SFR1: variants seen among roughly 807,000 people sequenced by gnomAD.
The protein encoded by SFR1 is SWI5 dependent homologous recombination repair protein 1, also known as swi5-dependent recombination DNA repair protein 1 homolog.
In SFR1, 24 loss-of-function variants were observed where a neutral mutation model predicts 26.2. The ratio of observed to expected loss-of-function variants is 0.92; its 90% CI spans 0.66 to 1.29. The LOEUF (loss-of-function observed/expected upper bound fraction) is 1.29, where lower values mean the gene tolerates loss of function less well. Ranked by LOEUF, SFR1 falls within the 50% of genes most tolerant of loss-of-function variation. The pLI is 0.00. For synonymous variants in SFR1, 77 were observed against 96.6 expected (o/e 0.80, Z 1.19); for missense variants, 276 against 270.2 (o/e 1.02, Z -0.15).
At position 104,124,106 on chromosome 10, in the gene SFR1, C is replaced by A; in HGVS notation, c.528C>A (p.Val176=). The change falls in exon 3 of 4, where the codon GTC becomes GTA. Residue 176 remains valine, a synonymous_variant. Transcript: ENST00000369727. ...KEDLLRRLKL[V]KMYRSKNDLS... ...ACCTTCTTCGGAGGCTAAAACTAGT[C>A]AAAATGTATAGATCAAAGGTGAGAA... is the stretch of plus-strand genomic sequence containing the variant. 1 of 1,606,172 alleles carries A rather than the reference C, an allele frequency of 6.2e-7. No homozygotes were observed. Among genetic ancestry groups the A allele is most frequent in the South Asian group, 1.1e-5 (1 of 89,534 alleles).
upstream of SFR1, among the ~76,000 whole-genome samples, chr10:104,120,180 G>A (rs1015232763): frequency 6.6e-6 from 1 of 152,168 alleles, no homozygotes; most frequent in Non-Finnish European, 1.5e-5. Context: ...TATGCCGGGA[G>A]GTATAAAGAA....
In SFR1 at chr10:104,123,703, G is replaced by T; in HGVS notation, c.136-11G>T. 1 of 1,536,262 alleles carries T rather than the reference G, an allele frequency of 6.5e-7. No homozygotes were observed. Among genetic ancestry groups the T allele is most frequent in the East Asian group, 2.3e-5 (1 of 43,686 alleles). On this transcript the variant is annotated splice_polypyrimidine_tract_variant and intron_variant, in intron 2 of 3. Coordinates refer to ENST00000369727, the MANE Select transcript of SFR1 (RefSeq NM_001002759.2). ...TTGATTCACATTTTTAATGTTTTGT[G>T]CTCTTTATAGCCTATGAGTGCAACA...
chr10:104,123,043 C>T lies in SFR1; in HGVS notation c.92C>T (p.Ser31Phe), dbSNP rs767020445. ...AVVLPSTPQA[S>F]ANPSSPYTNS... is the part of the protein sequence containing the mutation. ...GTTTTACCTAGCACTCCTCAGGCCT[C>T]TGCGAATCCATCATCTCCCTATACA... The change falls in exon 2 of 4, where the codon TCT (serine) becomes TTT (phenylalanine). Residue 31 changes from serine to phenylalanine, a missense_variant. Ser to Phe is a radical substitution (Grantham distance 155, BLOSUM62 -2). Transcript: ENST00000369727. 24 of 1,603,774 alleles carry T rather than the reference C, an allele frequency of 1.5e-5. No homozygotes were observed. The South Asian group carries it at 2.6e-4, about 17-fold the overall frequency.
upstream of SFR1, among the ~76,000 whole-genome samples, chr10:104,121,603 C>T (rs2086961507): frequency 6.6e-6 from 1 of 152,210 alleles, no homozygotes; most frequent in African/African-American, 2.4e-5. Context: ...ATGCAGCCAG[C>T]CGTGCGGCTT....
Position 104,123,104 on chromosome 10 carries a change from C to T in SFR1, c.135+18C>T. 1 of 1,535,764 alleles carries T rather than the reference C, an allele frequency of 6.5e-7. No homozygotes were observed. The highest frequency in any genetic ancestry group is 2.3e-5 in the East Asian group (1 of 44,324). ...GAAAACAAGTATGAAAATCTTTGTT[C>T]TTCCAGTGGATCCATTATGTGTTTC... On this transcript the variant is annotated intron_variant, in intron 2 of 3. Transcript: ENST00000369727.
upstream of SFR1, chr10:104,122,165 T>C: frequency 6.5e-7 from 1 of 1,548,098 alleles, no homozygotes; most frequent in East Asian, 2.5e-5. Flanking sequence ...GTGCGCGCGC[T>C]TTTTTGCTCT....
chr10:104,123,810 G>A lies in SFR1; in HGVS notation c.232G>A (p.Glu78Lys). Residue 78 changes from glutamate (E) to lysine (K), a missense_variant, in exon 3 of 4, where the codon GAA (glutamate) becomes AAA (lysine). Physicochemically the swap from Glu to Lys is moderately conservative, Grantham distance 56. Coordinates refer to ENST00000369727, the MANE Select transcript of SFR1 (RefSeq NM_001002759.2). The stretch of plus-strand genomic sequence containing the variant: ...GAAACGTCTTAAAGTAGAGAGTGAA[G>A]AAAATGATCAGACCTTTTCAGAGAA... ...VVKRLKVESE[E>K]NDQTFSEKPA... 1 of 1,612,852 alleles carries A rather than the reference G, an allele frequency of 6.2e-7. No homozygotes were observed. Among genetic ancestry groups the A allele is most frequent in the Non-Finnish European group, 8.5e-7 (1 of 1,179,836 alleles).
intron 1 of SFR1, 94 bp from the exon 2 acceptor site, chr10:104,122,871 G>T (rs928999647): frequency 6.4e-7 from 1 of 1,568,064 alleles, no homozygotes; most frequent in Non-Finnish European, 8.6e-7. Context: ...CTTACTTGTG[G>T]ATGCTTTGTA....
intron 3 of SFR1, 49 bp from the exon 4 acceptor site, chr10:104,125,464 G>C: frequency 7.0e-7 from 1 of 1,437,652 alleles, no homozygotes; most frequent in Non-Finnish European, 9.7e-7. Flanking sequence ...TAATTAAGTT[G>C]AACTAGCATG....
chr10:104,122,675 A>G (rs1253312238), intron 1 of SFR1: 2 of 1,350,158 alleles, frequency 1.5e-6, no homozygotes, highest in Non-Finnish European at 1.9e-6. Context: ...ATTCTTCCCT[A>G]CTTCCAAGGC....
chr10:104,122,070 C>T (rs974239797), upstream of SFR1: 14 of 1,285,282 alleles, frequency 1.1e-5, no homozygotes, highest in African/African-American at 1.6e-4. Context: ...CGGCGCCTCG[C>T]GCGTCAGGCA....
chr10:104,120,480 G>C, upstream of SFR1, among the ~76,000 whole-genome samples: 1 of 152,064 alleles, frequency 6.6e-6, no homozygotes, highest in East Asian at 1.9e-4. Context: ...TATATTGTGT[G>C]GGATCTTACA....
At chr10:104,125,072 G>T (rs572793288) in intron 3 of SFR1, among the ~76,000 whole-genome samples, 1 of 152,188 alleles carries the variant, frequency 6.6e-6, no homozygotes, top group South Asian at 2.1e-4. Flanking sequence ...TAAGGTGCTG[G>T]GATCCCAGGT....
At chr10:104,120,477 T>A (rs2086950732), upstream of SFR1, among the ~76,000 whole-genome samples, 1 of 152,244 alleles carries the variant, frequency 6.6e-6, no homozygotes, top group Non-Finnish European at 1.5e-5. Flanking sequence ...GTTTATATTG[T>A]GTGGGATCTT....
At chr10:104,124,177 G>T in intron 3 of SFR1, 53 bp downstream of exon 3, 1 of 1,387,856 alleles carries the variant, frequency 7.2e-7, no homozygotes, top group Non-Finnish European at 9.5e-7. Context: ...ATAAATTACA[G>T]GAAAGTAATT....
rs571788761 is a variant in SFR1 at position 104,126,249 on chromosome 10, T to C, written c.*545T>C. 6.5e-6 allele frequency: 1 copy of C among 152,816 alleles called. No individual in the cohort carries two copies. Among genetic ancestry groups the C allele is most frequent in the African/African-American group, 2.4e-5 (1 of 41,584 alleles). The allele number at this position is 152,816 out of a possible 1,614,324, so 9.5% of individuals were successfully genotyped here. A position where few individuals can be genotyped will look rare whatever the true frequency, so the allele number is the denominator to read the frequency against. On this transcript the variant is annotated 3_prime_UTR_variant, in exon 4 of 4. Coordinates refer to ENST00000369727, the MANE Select transcript of SFR1 (RefSeq NM_001002759.2). ...GTTTTATTTTAAATGTTAAAAATTG[T>C]CCAATCTGGTGAATGTCTAACCCTA...
chr10:104,122,101 T>C (rs2086968690), upstream of SFR1: 4 of 1,507,510 alleles, frequency 2.7e-6, no homozygotes, highest in African/African-American at 1.4e-5. Context: ...TTGCGCATCT[T>C]TTCCGCCTAC....
At position 104,125,494 on chromosome 10, in the gene SFR1, G is replaced by GTT; in HGVS notation, c.547-11_547-10dup. ...AGCATGACTAGTTATTGACATACAT[G>GTT]TTTTTTTTTCTGTTTCAGAATGATC... is the stretch of plus-strand genomic sequence containing the variant. On this transcript the variant is annotated intron_variant, in intron 3 of 3. Transcript: ENST00000369727. 2 of 1,544,172 alleles carry GTT rather than the reference G, an allele frequency of 1.3e-6. No homozygotes were observed. Among genetic ancestry groups the GTT allele is most frequent in the Non-Finnish European group, 1.8e-6 (2 of 1,132,386 alleles).
At position 104,125,954 on chromosome 10, in the gene SFR1, CTG is replaced by C. The variant is rs1243482000; in HGVS notation, c.*251_*252del. ...CTAATTTTTGCATTTTTAGTAGAGA[CTG>C]GGTTTCACCACGTTGGCCAGGCTGG... On this transcript the variant is annotated 3_prime_UTR_variant, in exon 4 of 4. Transcript: ENST00000369727. The C allele has an allele frequency of 1.2e-4, 33 of 276,718 alleles. No individual in the cohort carries two copies. In the Admixed American group the frequency reaches 1.6e-3, roughly 14 times the overall value. 17.1% of individuals were successfully genotyped at this position (276,718 alleles called of 1,614,324 possible).
Sources: allele counts gnomAD v4.1 joint callset (sites outside exome capture counted in the v4.1 genomes callset), GRCh38; gene constraint gnomAD v4.1.1; transcripts MANE v1.5; gene names NCBI Gene and HGNC (gene_info 2026-07-23, HGNC 2026-07-21).